FOXP2: variants seen among roughly 807,000 people sequenced by gnomAD.
FOXP2 encodes the protein forkhead box protein P2.
Under a neutral mutation model 115.8 loss-of-function variants are expected in FOXP2, and 12 were observed. The ratio of observed to expected loss-of-function variants is 0.10; its 90% CI spans 0.07 to 0.17. The LOEUF (loss-of-function observed/expected upper bound fraction) is 0.17. FOXP2 is among the 10% of genes least tolerant of loss of function. FOXP2 has a pLI of 1.00. For synonymous variants in FOXP2, 328 were observed against 297.7 expected, an observed-to-expected ratio of 1.10 and a Z score of -1.05; for missense variants, 629 against 843.5, an observed-to-expected ratio of 0.75 and a Z score of 3.15.
intron 1 of FOXP2, among the ~76,000 whole-genome samples, chr7:114,169,196 C>T (rs1258597593): frequency 6.6e-6 from 1 of 152,144 alleles, no homozygotes; most frequent in Non-Finnish European, 1.5e-5. Context: ...CTCCAGCCCC[C>T]AGAACAGTAG....
chr7:114,475,354 A>T (rs1796210938), intron 2 of FOXP2, among the ~76,000 whole-genome samples: 1 of 152,056 alleles, frequency 6.6e-6, no homozygotes, highest in Non-Finnish European at 1.5e-5. Flanking sequence ...TTCTTTGAAC[A>T]GTTTTTGACT....
At chr7:114,487,977 A>G (rs775178563) in intron 2 of FOXP2, among the ~76,000 whole-genome samples, 1 of 151,954 alleles carries the variant, frequency 6.6e-6, no homozygotes, top group Non-Finnish European at 1.5e-5. Flanking sequence ...ACAGCACCCA[A>G]CTCTTGGTAC....
rs111628410 is a variant in FOXP2, at chr7:114,120,698, ATGTG to A, written c.-247+32876_-247+32879del. On this transcript the variant is annotated intron_variant, in intron 1 of 19. Coordinates refer to the FOXP2 transcript ENST00000635638. ...TGTGTGTGTGTGTGTGTGTATATGT[ATGTG>A]TGTGTGTGTGTGTGTATATATATGT... 7.4e-5 allele frequency among the ~76,000 whole-genome samples: 11 copies of A among 149,428 alleles called. No homozygotes were observed. The East Asian group carries it at 1.8e-3, about 24-fold the overall frequency.
At chr7:114,183,817 A>C (rs1286843888) in intron 1 of FOXP2, among the ~76,000 whole-genome samples, 2 of 152,170 alleles carry the variant, frequency 1.3e-5, no homozygotes, top group Non-Finnish European at 2.9e-5. Context: ...TAGGTTTACG[A>C]AAACCCCCCA....
chr7:114,521,876 C>T (rs1798643609), intron 2 of FOXP2, among the ~76,000 whole-genome samples: 1 of 152,074 alleles, frequency 6.6e-6, no homozygotes, highest in African/African-American at 2.4e-5. Flanking sequence ...TGTCATGGTT[C>T]CTGGAGGGAA....
chr7:114,247,376 AATC>A (rs145294352), intron 1 of FOXP2, among the ~76,000 whole-genome samples: 6,374 of 152,256 alleles, frequency 0.042, 326 homozygotes, highest in African/African-American at 0.12. Flanking sequence ...AGTAAAAGTT[AATC>A]ATCATCTTTT....
chr7:114,475,700 C>T (rs569422558), intron 2 of FOXP2, among the ~76,000 whole-genome samples: 1 of 152,126 alleles, frequency 6.6e-6, no homozygotes, highest in African/African-American at 2.4e-5. Context: ...AGTAAGCATA[C>T]TTTTCCTTAA....
intron 2 of FOXP2, among the ~76,000 whole-genome samples, chr7:114,453,177 A>G (rs956666283): frequency 6.6e-6 from 1 of 152,108 alleles, no homozygotes; most frequent in Admixed American, 6.6e-5. Context: ...ATGTGAAATG[A>G]TATTGGAGAA....
intron 2 of FOXP2, among the ~76,000 whole-genome samples, chr7:114,290,046 A>G (rs1584611275): frequency 6.6e-6 from 1 of 151,880 alleles, no homozygotes; most frequent in Non-Finnish European, 1.5e-5. Context: ...CTCAGCTCTC[A>G]AAGAGTAAAA....
intron 2 of FOXP2, among the ~76,000 whole-genome samples, chr7:114,471,331 T>C (rs1796036018): frequency 6.6e-6 from 1 of 152,160 alleles, no homozygotes; most frequent in Non-Finnish European, 1.5e-5. Flanking sequence ...ATATTTTTTC[T>C]CCAATCAGTC....
At position 114,631,576 on chromosome 7, in the gene FOXP2, G is replaced by C; in HGVS notation, c.646G>C (p.Val216Leu). The C allele has an allele frequency of 6.2e-7, 1 of 1,603,652 alleles. No homozygotes were observed. The highest frequency in any genetic ancestry group is 8.5e-7 in the Non-Finnish European group (1 of 1,174,650). Residue 216 changes from valine (V) to leucine (L), a missense_variant, in exon 6 of 17, where the codon GTC (valine) becomes CTC (leucine). By Grantham distance (32) the Val-to-Leu change is conservative (BLOSUM62 1). Around this residue, in one of 9 missense-constraint regions of FOXP2, gnomAD observed 138 missense variants for 205.1 expected, o/e 0.67. Coordinates refer to ENST00000350908, the MANE Select transcript of FOXP2 (RefSeq NM_014491.4). ...ACAGCAATTGGCAGCCCAGCAGCTT[G>C]TCTTCCAGCAGCAGCTTCTCCAGAT... is the stretch of plus-strand genomic sequence containing the variant. ...QQQQLAAQQL[V>L]FQQQLLQMQQ...
rs376058886 is a variant in FOXP2 at position 114,538,988 on chromosome 7, A to G, written c.258+4282A>G. Among the ~76,000 whole-genome samples the G allele has an allele frequency of 1.2e-4, 19 of 152,044 alleles. No individual in the cohort carries two copies. The East Asian group carries it at 1.4e-3, about 11-fold the overall frequency. ...TGAATTTATGAGAAATGTAAGCTACATAAAAATTATTTAACCAATGTATTT... is the reference window on the plus strand; with the variant it reads ...TGAATTTATGAGAAATGTAAGCTACGTAAAAATTATTTAACCAATGTATTT... On this transcript the variant is annotated intron_variant, in intron 3 of 16. Transcript: ENST00000350908.
chr7:114,110,624 T>C (rs1791244683), intron 1 of FOXP2, among the ~76,000 whole-genome samples: 2 of 152,284 alleles, frequency 1.3e-5, no homozygotes, highest in South Asian at 4.1e-4. Context: ...AGATAATGGT[T>C]CTTTTTCTAA....
chr7:114,630,477 A>G (rs938180236), intron 5 of FOXP2: 7 of 193,104 alleles, frequency 3.6e-5, no homozygotes, highest in African/African-American at 1.7e-4. Flanking sequence ...TGGCGAGTAG[A>G]AAGTTACAGT....
intron 2 of FOXP2, among the ~76,000 whole-genome samples, chr7:114,289,050 C>A (rs1005819655): frequency 6.6e-6 from 1 of 151,770 alleles, no homozygotes; most frequent in African/African-American, 2.4e-5. Flanking sequence ...AGATACACTT[C>A]GTAATTTCTC....
chr7:114,372,711 GT>G (rs142719729), intron 2 of FOXP2, among the ~76,000 whole-genome samples: 5 of 150,402 alleles, frequency 3.3e-5, no homozygotes, highest in Admixed American at 1.3e-4. Flanking sequence ...CACTGTTAGG[GT>G]TTTTTTTTGG....
At chr7:114,402,564 G>A (rs1469818951) in intron 2 of FOXP2, among the ~76,000 whole-genome samples, 1 of 151,922 alleles carries the variant, frequency 6.6e-6, no homozygotes, top group East Asian at 1.9e-4. Context: ...GTGTAAACAA[G>A]CTGACTCAGA....
chr7:114,354,756 G>GT (rs1440340819), intron 2 of FOXP2, among the ~76,000 whole-genome samples: 3 of 152,080 alleles, frequency 2.0e-5, no homozygotes, highest in Non-Finnish European at 4.4e-5. Flanking sequence ...CTGCTCAGTT[G>GT]TTTTTAATCT....
chr7:114,232,169 C>A (rs1452322679), intron 1 of FOXP2, among the ~76,000 whole-genome samples: 1 of 152,104 alleles, frequency 6.6e-6, no homozygotes, highest in Non-Finnish European at 1.5e-5. Flanking sequence ...TACCACCTCA[C>A]ACCTGTTAGG....
Sources: allele counts gnomAD v4.1 joint callset (sites outside exome capture counted in the v4.1 genomes callset), GRCh38; gene constraint gnomAD v4.1.1; regional missense constraint gnomAD v4.1.1; transcripts MANE v1.5; gene names NCBI Gene and HGNC (gene_info 2026-07-23, HGNC 2026-07-21).